Variants in TGM3 observed in about 807,000 individuals in gnomAD.
TGM3 encodes transglutaminase 3.
In TGM3, 52 loss-of-function variants were observed where a neutral mutation model predicts 73.8. That is an observed-to-expected ratio of 0.70 (90% CI 0.56 to 0.89). TGM3 has a LOEUF of 0.89. TGM3 is among the 40% of genes least tolerant of loss of function. TGM3 has a pLI of 0.00. For missense variants in TGM3, 928 were observed against 909.9 expected, an observed-to-expected ratio of 1.02 and a Z score of -0.26; for synonymous variants, 372 against 354.9, an observed-to-expected ratio of 1.05 and a Z score of -0.54.
chr20:2,333,474 G>A (rs772722598), intron 10 of TGM3, among the ~76,000 whole-genome samples: 2 of 152,080 alleles, frequency 1.3e-5, no homozygotes, highest in African/African-American at 2.4e-5. Context: ...CTCAAACTCT[G>A]GGCTCAAGCA....
intron 5 of TGM3, 43 bp from the exon 6 acceptor site, chr20:2,317,025 G>A: frequency 1.2e-6 from 2 of 1,601,672 alleles, no homozygotes; most frequent in Non-Finnish European, 1.7e-6. Context: ...CCCTAGGAAA[G>A]GCATTAGTGC....
rs1184821663 is a variant in TGM3 at position 2,328,066 on chromosome 20, A to G, written c.1088-54A>G. 8 of 1,608,574 alleles carry G rather than the reference A, an allele frequency of 5.0e-6. No homozygotes were observed. The Admixed American group carries it at 1.0e-4, about 20-fold the overall frequency. ...CCTGGAAGGCCCTGGGGAATCGGGCACTGGGTAGGTTGTGGCCTTGGCATA... is the reference window on the plus strand; with the variant it reads ...CCTGGAAGGCCCTGGGGAATCGGGCGCTGGGTAGGTTGTGGCCTTGGCATA... On this transcript the variant is annotated intron_variant, in intron 8 of 12. Transcript: ENST00000381458. This position sits in a 1 kb window ranked among gnomAD's most constrained non-coding sequence, Gnocchi z 5.2.
chr20:2,298,902 C>T (rs1205497892), intron 1 of TGM3, among the ~76,000 whole-genome samples: 1 of 152,168 alleles, frequency 6.6e-6, no homozygotes, highest in African/African-American at 2.4e-5. Context: ...CCAGCTGCCT[C>T]CTGTCTGCCC....
In TGM3 at chr20:2,329,394, G is replaced by A. The variant is rs190974251; in HGVS notation, c.1333+1029G>A. On this transcript the variant is annotated intron_variant, in intron 9 of 12. Coordinates refer to ENST00000381458, the MANE Select transcript of TGM3 (RefSeq NM_003245.4). ...AGGTGCTGGTATTTGTGAACATTTG[G>A]AGGCACAGTTTTAGGGTTATGAGAT... 1.3e-4 allele frequency among the ~76,000 whole-genome samples: 20 copies of A among 152,300 alleles called. 1 individual carries two copies. In the East Asian group the frequency reaches 3.1e-3, roughly 24 times the overall value.
At chr20:2,310,503 A>T in intron 3 of TGM3, 86 bp downstream of exon 3, 1 of 1,554,912 alleles carries the variant, frequency 6.4e-7, no homozygotes, top group South Asian at 1.2e-5. Flanking sequence ...CACAGGCTCA[A>T]GTTTGATTAG....
In TGM3 at chr20:2,340,673, G is replaced by T; in HGVS notation, c.*92G>T. The T allele has an allele frequency of 6.5e-6, 10 of 1,542,190 alleles. No homozygotes were observed. The highest frequency in any genetic ancestry group is 8.9e-6 in the Non-Finnish European group (10 of 1,129,886). On this transcript the variant is annotated 3_prime_UTR_variant, in exon 13 of 13. Transcript: ENST00000381458. ...ACCCCCCGCCCATGCTGTCCGGCCT[G>T]GGAAACCCTCTCCATCTCCCAAGGC...
At position 2,311,029 on chromosome 20, in the gene TGM3, G is replaced by A. The variant is rs1357136602; in HGVS notation, c.440G>A (p.Gly147Asp). The change falls in exon 4 of 13, where the codon GGT (glycine) becomes GAT (aspartate). Residue 147 changes from glycine (G) to aspartate (D), a missense_variant. Physicochemically the swap from Gly to Asp is moderately conservative, Grantham distance 94. Transcript: ENST00000381458. ...CAAATAGTGGATAGCGTCTTTATGG[G>A]TAACCACGCTGAGAGAGAAGAGTAT... ...PWLNVDSVFM[G>D]NHAEREEYVQ... The A allele has an allele frequency of 6.2e-7, 1 of 1,613,944 alleles. No homozygotes were observed. Among genetic ancestry groups the A allele is most frequent in the Non-Finnish European group, 8.5e-7 (1 of 1,179,810 alleles).
intron 1 of TGM3, among the ~76,000 whole-genome samples, chr20:2,297,242 A>G (rs940070218): frequency 6.6e-6 from 1 of 152,204 alleles, no homozygotes; most frequent in Non-Finnish European, 1.5e-5. Flanking sequence ...TGCCCTTTCC[A>G]CCATGTCCTG....
chr20:2,306,780 CCTT>C (rs1374977614), intron 1 of TGM3, among the ~76,000 whole-genome samples: 1 of 152,124 alleles, frequency 6.6e-6, no homozygotes, highest in Non-Finnish European at 1.5e-5. Context: ...CCCCGCCAGC[CCTT>C]CTTTTTTCTA....
At chr20:2,337,365 T>G (rs1034904462) in intron 11 of TGM3, among the ~76,000 whole-genome samples, 1 of 152,184 alleles carries the variant, frequency 6.6e-6, no homozygotes, top group Non-Finnish European at 1.5e-5. Flanking sequence ...AAAATGATAC[T>G]GGGTGGCTGC....
chr20:2,336,380 G>T (rs2084351474), intron 11 of TGM3, among the ~76,000 whole-genome samples: 1 of 152,092 alleles, frequency 6.6e-6, no homozygotes, highest in Non-Finnish European at 1.5e-5. Flanking sequence ...TCTCTCATCT[G>T]CTGTACCCAC....
In TGM3 at chr20:2,335,104, T is replaced by G. The variant is rs1214536440; in HGVS notation, c.1643-12T>G. ...CTCCCCCTCACTCGGATCCCCTGGCTTCTCCTTCCAGAGGCAGAACATCCC... is the reference window on the plus strand; with the variant it reads ...CTCCCCCTCACTCGGATCCCCTGGCGTCTCCTTCCAGAGGCAGAACATCCC... On this transcript the variant is annotated splice_polypyrimidine_tract_variant and intron_variant, in intron 10 of 12. Transcript: ENST00000381458. 4 of 1,614,126 alleles carry G rather than the reference T, an allele frequency of 2.5e-6. No homozygotes were observed. Among genetic ancestry groups the G allele is most frequent in the Non-Finnish European group, 3.4e-6 (4 of 1,179,970 alleles).
chr20:2,339,761 C>G, intron 11 of TGM3, 93 bp from the exon 12 acceptor site: 1 of 1,546,906 alleles, frequency 6.5e-7, no homozygotes, highest in Non-Finnish European at 8.8e-7. Flanking sequence ...TGACATCACC[C>G]CCTTCACTCA....
chr20:2,311,140 C>T lies in TGM3; in HGVS notation c.540+11C>T, dbSNP rs1490306125. On this transcript the variant is annotated intron_variant, in intron 4 of 12. Transcript: ENST00000381458. The stretch of plus-strand genomic sequence containing the variant: ...TGGAACTTTGGACAGGTAAAAGGGT[C>T]ATAAGGAAGCTAAGGGTAATGTCCC... 4.4e-6 allele frequency: 7 copies of T among 1,608,376 alleles called. No homozygotes were observed. The highest frequency in any genetic ancestry group is 6.0e-6 in the Non-Finnish European group (7 of 1,174,966).
Position 2,332,167 on chromosome 20 carries a change from A to G in TGM3, c.1499A>G (p.Asn500Ser), listed in dbSNP as rs1255672109. 13 of 1,614,144 alleles carry G rather than the reference A, an allele frequency of 8.1e-6. No homozygotes were observed. Among genetic ancestry groups the G allele is most frequent in the Non-Finnish European group, 1.1e-5 (13 of 1,180,000 alleles). Residue 500 changes from asparagine to serine, a missense_variant, in exon 10 of 13, where the codon AAC becomes AGC. Coordinates refer to ENST00000381458, the MANE Select transcript of TGM3 (RefSeq NM_003245.4). The surrounding 1 kb of genome is among the most constrained non-coding windows in gnomAD (Gnocchi z 4.4). ...ATGCTGGCAGTAGGCAAAGAAGTCAACCTGGTCCTACTGCTCAAAAACCTG... is the reference window on the plus strand; with the variant it reads ...ATGCTGGCAGTAGGCAAAGAAGTCAGCCTGGTCCTACTGCTCAAAAACCTG... ...AGMLAVGKEV[N>S]LVLLLKNLSR...
chr20:2,317,722 G>A (rs562168511), intron 7 of TGM3, among the ~76,000 whole-genome samples: 18 of 151,994 alleles, frequency 1.2e-4, no homozygotes, highest in African/African-American at 3.9e-4. Flanking sequence ...TCAGACAAAG[G>A]ATCTGATCCC....
intron 11 of TGM3, 104 bp downstream of exon 11, chr20:2,335,377 G>A (rs975384835): frequency 2.8e-6 from 4 of 1,446,792 alleles, no homozygotes; most frequent in Middle Eastern, 2.5e-4. Context: ...AGAGGGCAAA[G>A]GAGAGTTTTT....
Position 2,339,849 on chromosome 20 carries a change from C to T in TGM3, c.1801-5C>T, listed in dbSNP as rs45583632. ...TCCTGACTCGGCAGCCCCTCTCCCC[C>T]ATAGGTGCTGAACGAGGCTCGTGTG... On this transcript the variant is annotated splice_polypyrimidine_tract_variant and splice_region_variant and intron_variant, in intron 11 of 12. Transcript: ENST00000381458. 3.1e-6 allele frequency: 5 copies of T among 1,613,962 alleles called. No homozygotes were observed. The highest frequency in any genetic ancestry group is 1.1e-5 in the South Asian group (1 of 91,076).
intron 1 of TGM3, among the ~76,000 whole-genome samples, chr20:2,303,232 C>T (rs1462262442): frequency 6.6e-6 from 1 of 151,570 alleles, no homozygotes; most frequent in African/African-American, 2.4e-5. Flanking sequence ...ACCCGGAAGG[C>T]GGAGGTTGCA....
Sources: allele counts gnomAD v4.1 joint callset (sites outside exome capture counted in the v4.1 genomes callset), GRCh38; gene constraint gnomAD v4.1.1; non-coding constraint Gnocchi (gnomAD v3.1); transcripts MANE v1.5; gene names NCBI Gene and HGNC (gene_info 2026-07-23, HGNC 2026-07-21).